SRSF4: variants seen among roughly 807,000 people sequenced by gnomAD.
SRSF4 encodes the protein serine and arginine rich splicing factor 4, also known as serine/arginine-rich splicing factor 4.
SRSF4 carries 12 observed loss-of-function variants against 48.8 expected under a neutral mutation model. That is an observed-to-expected ratio of 0.25 (90% CI 0.16 to 0.40). The LOEUF is 0.40. Among genes scored for constraint, SRSF4 ranks in the 10% least tolerant of loss-of-function variants. The pLI is 1.00. For synonymous variants in SRSF4, 248 were observed against 232.5 expected, an observed-to-expected ratio of 1.07 and a Z score of -0.61; for missense variants, 466 against 667.1, an observed-to-expected ratio of 0.70 and a Z score of 3.32.
intron 1 of SRSF4, among the ~76,000 whole-genome samples, chr1:29,163,917 T>C (rs986846919): frequency 4.6e-5 from 7 of 152,238 alleles, no homozygotes; most frequent in Admixed American, 3.9e-4. Flanking sequence ...TTTATTTCTC[T>C]GGGTCTTAGT....
rs188180228 is a variant in SRSF4 at position 29,154,184 on chromosome 1, C to T, written c.578+512G>A. On this transcript the variant is annotated intron_variant, in intron 4 of 5. Coordinates refer to ENST00000373795, the MANE Select transcript of SRSF4 (RefSeq NM_005626.5). ...AATTTTCAAGCAATTTTTCTGCCTC[C>T]GCCTCCCGAGTCACTGGGATTATAG... Among the ~76,000 whole-genome samples the T allele has an allele frequency of 5.9e-5, 9 of 152,060 alleles. No individual in the cohort carries two copies. The East Asian group carries it at 7.8e-4, about 13-fold the overall frequency.
intron 4 of SRSF4, chr1:29,154,440 C>T: frequency 2.3e-6 from 1 of 435,322 alleles, no homozygotes. Context: ...TGTGATGCGC[C>T]CACCTTGGCC....
In SRSF4 at chr1:29,148,378, T is replaced by G; in HGVS notation, c.*32A>C. The G allele has an allele frequency of 6.4e-7, 1 of 1,560,856 alleles. No individual in the cohort carries two copies. The highest frequency in any genetic ancestry group is 8.7e-7 in the Non-Finnish European group (1 of 1,154,622). On this transcript the variant is annotated 3_prime_UTR_variant, in exon 6 of 6. Coordinates refer to ENST00000373795, the MANE Select transcript of SRSF4 (RefSeq NM_005626.5). ...GGCTACCAAACATGTACAAAAGACT[T>G]CTCGGGTAGTTCCAGCTGTGGCCAT...
chr1:29,175,523 G>A (rs1364160229), intron 1 of SRSF4, among the ~76,000 whole-genome samples: 6 of 150,096 alleles, frequency 4.0e-5, no homozygotes, highest in Admixed American at 2.0e-4. Context: ...GTGAAACCCC[G>A]TCTCTACTAA....
intron 1 of SRSF4, among the ~76,000 whole-genome samples, chr1:29,176,182 G>A (rs1047461854): frequency 2.0e-4 from 30 of 152,054 alleles, no homozygotes; most frequent in Non-Finnish European, 3.1e-4. Context: ...AACCCAAAAG[G>A]CGGAAGTTGC....
chr1:29,148,669 C>A lies in SRSF4; in HGVS notation c.1226G>T (p.Arg409Leu), dbSNP rs539999150. The A allele has an allele frequency of 6.2e-7, 1 of 1,613,844 alleles. No homozygotes were observed. Among genetic ancestry groups the A allele is most frequent in the Non-Finnish European group, 8.5e-7 (1 of 1,179,800 alleles). The change falls in exon 6 of 6, where the codon CGC becomes CTC. Residue 409 changes from arginine (R) to leucine (L), a missense_variant. This residue lies in a region of SRSF4 where 402 missense variants were observed against 437.0 expected (regional missense o/e 0.92). Transcript: ENST00000373795. ...ATGTTCCCGCTCCTTTGACACGGAG[C>A]GGGATGGAGATCTGGACTGGGAGCG... ...TDRSQSRSPS[R>L]SVSKEREHAK...
At chr1:29,154,382 A>C in intron 4 of SRSF4, 1 of 265,768 alleles carries the variant, frequency 3.8e-6, no homozygotes, top group South Asian at 5.9e-5. Flanking sequence ...TTTTTAGTAC[A>C]GATGGGGTTT....
chr1:29,171,604 G>GT (rs1256277340), intron 1 of SRSF4: 1 of 151,822 alleles, frequency 6.6e-6, no homozygotes, highest in Non-Finnish European at 1.5e-5. Context: ...ATTTTCGGAA[G>GT]TTTTAAGATT....
intron 4 of SRSF4, among the ~76,000 whole-genome samples, chr1:29,153,543 A>T (rs1672449559): frequency 6.6e-6 from 1 of 151,890 alleles, no homozygotes; most frequent in Non-Finnish European, 1.5e-5. Context: ...GCCATCAACC[A>T]AGGTAGTAGG....
At chr1:29,173,593 C>G (rs1558393136) in intron 1 of SRSF4, 1 of 145,718 alleles carries the variant, frequency 6.9e-6, no homozygotes, top group Non-Finnish European at 1.5e-5. Context: ...GGGATTACAG[C>G]AAGTGCCACC....
chr1:29,162,480 T>A (rs1317138890), intron 1 of SRSF4, among the ~76,000 whole-genome samples: 2 of 152,234 alleles, frequency 1.3e-5, no homozygotes, highest in East Asian at 3.8e-4. Context: ...CTCAACTATT[T>A]TCTACTTTGG....
In SRSF4 at chr1:29,148,306, TA is replaced by T; in HGVS notation, c.*103del. The stretch of plus-strand genomic sequence containing the variant: ...ATTATAGACACACCATTAGGGGAGT[TA>T]AAAATGTACAGCAGTGACATGTTCT... On this transcript the variant is annotated 3_prime_UTR_variant, in exon 6 of 6. Coordinates refer to ENST00000373795, the MANE Select transcript of SRSF4 (RefSeq NM_005626.5). The T allele has an allele frequency of 3.5e-6, 5 of 1,447,144 alleles. No homozygotes were observed. The highest frequency in any genetic ancestry group is 3.8e-6 in the Non-Finnish European group (4 of 1,054,116). The allele number at this position is 1,447,144 out of a possible 1,614,324, so 89.6% of individuals were successfully genotyped here.
chr1:29,152,780 A>C (rs965648155), intron 4 of SRSF4, among the ~76,000 whole-genome samples: 1 of 151,992 alleles, frequency 6.6e-6, no homozygotes, highest in African/African-American at 2.4e-5. Flanking sequence ...TTAGCCAGGC[A>C]TGGTGGTGTG....
In SRSF4 at chr1:29,148,754, C is replaced by T; in HGVS notation, c.1141G>A (p.Gly381Ser). The T allele has an allele frequency of 3.1e-6, 5 of 1,613,640 alleles. No individual in the cohort carries two copies. Among genetic ancestry groups the T allele is most frequent in the South Asian group, 1.1e-5 (1 of 91,080 alleles). Residue 381 changes from glycine to serine, a missense_variant, in exon 6 of 6, where the codon GGC becomes AGC. Physicochemically the swap from Gly to Ser is moderately conservative, Grantham distance 56 (BLOSUM62 0). This residue lies in a region of SRSF4 where 402 missense variants were observed against 437.0 expected (regional missense o/e 0.92). Coordinates refer to ENST00000373795, the MANE Select transcript of SRSF4 (RefSeq NM_005626.5). ...CCCGCCTTGCTGTCTCGCTTGCTGCCTCGCTTTCTGCTCCTCTCACTCTTG... is the reference window on the plus strand; with the variant it reads ...CCCGCCTTGCTGTCTCGCTTGCTGCTTCGCTTTCTGCTCCTCTCACTCTTG... The part of the protein sequence containing the change: ...RSKSERSRKR[G>S]SKRDSKAGSS...
intron 1 of SRSF4, among the ~76,000 whole-genome samples, chr1:29,178,353 C>CTTCTTTTTTTTTTTTTTTTTTTTT (rs141096220): frequency 7.8e-6 from 1 of 127,888 alleles, no homozygotes; most frequent in African/African-American, 3.0e-5. Flanking sequence ...GTTTCAATTA[C>CTTCTTTTTTTTTTTTTTTTTTTTT]TTTTTTTTTT....
chr1:29,177,893 ATTTTTTTTT>A (rs397979781), intron 1 of SRSF4, among the ~76,000 whole-genome samples: 13 of 93,636 alleles, frequency 1.4e-4, no homozygotes, highest in East Asian at 5.7e-4. Flanking sequence ...ATTACACAAG[ATTTTTTTTT>A]TTTTTTTTTT....
intron 1 of SRSF4, among the ~76,000 whole-genome samples, chr1:29,165,485 C>CT (rs1443070903): frequency 6.6e-6 from 1 of 152,204 alleles, no homozygotes; most frequent in Non-Finnish European, 1.5e-5. Context: ...GCTAAATATC[C>CT]TTTCTCTGAT....
At chr1:29,178,190 G>A (rs1214252274) in intron 1 of SRSF4, among the ~76,000 whole-genome samples, 1 of 151,820 alleles carries the variant, frequency 6.6e-6, no homozygotes, top group Non-Finnish European at 1.5e-5. Flanking sequence ...GTGAGCCACC[G>A]TGACCGGTCT....
chr1:29,159,502 A>G lies in SRSF4; in HGVS notation c.251-16T>C. 1.9e-6 allele frequency: 3 copies of G among 1,583,932 alleles called. No homozygotes were observed. The highest frequency in any genetic ancestry group is 2.6e-6 in the Non-Finnish European group (3 of 1,154,562). ...CCATATCCACCTTTGGAAGGTTCAA[A>G]TAAATAAGATTATTTCAGTGGAAGA... is the stretch of plus-strand genomic sequence containing the variant. On this transcript the variant is annotated splice_polypyrimidine_tract_variant and intron_variant, in intron 2 of 5. Coordinates refer to ENST00000373795, the MANE Select transcript of SRSF4 (RefSeq NM_005626.5).
Sources: gnomAD v4.1 joint callset for allele counts (sites outside exome capture counted in the v4.1 genomes callset) on GRCh38, gnomAD v4.1.1 for gene constraint, gnomAD v4.1.1 regional missense constraint, MANE v1.5 for transcripts, NCBI Gene and HGNC (gene_info 2026-07-23, HGNC 2026-07-21) for gene names.